The following KMT2A variants were observed in gnomAD, a reference collection of about 807,000 sequenced individuals.
The protein encoded by KMT2A is histone-lysine N-methyltransferase 2A.
KMT2A carries 16 observed loss-of-function variants against 345.3 expected under a neutral mutation model. The observed-to-expected ratio is 0.05, with a 90% confidence interval of 0.03 to 0.07. KMT2A has a LOEUF of 0.07. Among genes scored for constraint, KMT2A ranks in the 10% least tolerant of loss-of-function variants. The pLI is 1.00. For synonymous variants in KMT2A, 1,599 were observed against 1,778.6 expected (o/e 0.90, Z 2.54); for missense variants, 3,272 against 4,841.6 (o/e 0.68, Z 9.62).
chr11:118,478,009 C>T lies in KMT2A; in HGVS notation c.3377C>T (p.Ala1126Val). 2.5e-6 allele frequency: 4 copies of T among 1,614,110 alleles called. No homozygotes were observed. The highest frequency in any genetic ancestry group is 3.4e-6 in the Non-Finnish European group (4 of 1,180,004). The change falls in exon 5 of 36, where the codon GCT becomes GTT. Residue 1126 changes from alanine (A) to valine (V), a missense_variant. This residue lies in a region of KMT2A where 33 missense variants were observed against 46.5 expected (regional missense o/e 0.71). Transcript: ENST00000534358. ...IAGSEDAEPL[A>V]PPIKPIKPVT... ...GGCTCAGAAGATGCTGAACCTCTTG[C>T]TCCACCCATCAAACCAATTAAACCT...
At chr11:118,452,510 C>T (rs782727718) in intron 1 of KMT2A, among the ~76,000 whole-genome samples, 20 of 152,142 alleles carry the variant, frequency 1.3e-4, no homozygotes, top group Non-Finnish European at 2.1e-4. Flanking sequence ...CCAGCCTGGG[C>T]GACAGAATAA....
chr11:118,453,046 A>T (rs1471821988), intron 1 of KMT2A, among the ~76,000 whole-genome samples: 1 of 151,600 alleles, frequency 6.6e-6, no homozygotes, highest in Non-Finnish European at 1.5e-5. Context: ...TGCATAGGTA[A>T]TTTCTCTCTC....
chr11:118,484,390 G>T lies in KMT2A; in HGVS notation c.4218+76G>T. On this transcript the variant is annotated intron_variant, in intron 9 of 35. Transcript: ENST00000534358. The surrounding 1 kb of genome is among the most constrained non-coding windows in gnomAD (Gnocchi z 4.1). ...TAAAGAAAATGCTACTACCAAAGGTGTTGAAAGAGGAAATCAGCACCAACT... is the reference window on the plus strand; with the variant it reads ...TAAAGAAAATGCTACTACCAAAGGTTTTGAAAGAGGAAATCAGCACCAACT... The T allele has an allele frequency of 6.7e-7, 1 of 1,492,566 alleles. No individual in the cohort carries two copies. The highest frequency in any genetic ancestry group is 9.2e-7 in the Non-Finnish European group (1 of 1,088,402). 92.5% of individuals were successfully genotyped at this position (1,492,566 alleles called of 1,614,324 possible). A position where few individuals can be genotyped will look rare whatever the true frequency, so the allele number is the denominator to read the frequency against.
intron 31 of KMT2A, among the ~76,000 whole-genome samples, chr11:118,518,755 C>T (rs1177244427): frequency 7.6e-6 from 1 of 131,746 alleles, no homozygotes; most frequent in Non-Finnish European, 1.6e-5. Flanking sequence ...GCACTCCAGC[C>T]TGGGTGACGG....
Position 118,506,612 on chromosome 11 carries a change from G to A in KMT2A, c.10720G>A (p.Asp3574Asn), listed in dbSNP as rs782678655. ...RTSSSEAHIP[D>N]QETTSLTSGT... is the part of the protein sequence containing the mutation. Reference sequence around the variant, plus strand: ...CAGTTCTTCTGAAGCACACATTCCAGACCAAGAAACGACATCCCTGACCTC... The same window carrying A: ...CAGTTCTTCTGAAGCACACATTCCAAACCAAGAAACGACATCCCTGACCTC... Residue 3574 changes from aspartate to asparagine, a missense_variant, in exon 27 of 36, where the codon GAC becomes AAC. Coordinates refer to ENST00000534358, the MANE Select transcript of KMT2A (RefSeq NM_001197104.2). The A allele has an allele frequency of 1.2e-6, 2 of 1,610,916 alleles. No individual in the cohort carries two copies. The highest frequency in any genetic ancestry group is 1.7e-6 in the Non-Finnish European group (2 of 1,177,896).
chr11:118,482,811 AG>A, intron 8 of KMT2A, among the ~76,000 whole-genome samples: 1 of 151,646 alleles, frequency 6.6e-6, no homozygotes, highest in South Asian at 2.1e-4. Flanking sequence ...AGTTGCGTGT[AG>A]TCCCAGGTAC....
intron 1 of KMT2A, among the ~76,000 whole-genome samples, chr11:118,443,018 T>C (rs1555026264): frequency 6.6e-6 from 1 of 152,206 alleles, no homozygotes; most frequent in Non-Finnish European, 1.5e-5. Flanking sequence ...CATTGGTTGT[T>C]GAAGAAGGCC....
Position 118,498,290 on chromosome 11 carries a change from G to C in KMT2A, c.5803-80G>C. 1 of 1,321,622 alleles carries C rather than the reference G, an allele frequency of 7.6e-7. No individual in the cohort carries two copies. The highest frequency in any genetic ancestry group is 1.0e-6 in the Non-Finnish European group (1 of 957,896). The allele number at this position is 1,321,622 out of a possible 1,614,324, so 81.9% of individuals were successfully genotyped here. ...ATGAATTGTAGGAACTGTAGAATGG[G>C]ATGAGTCTATAGAGGAGACGGTAAA... On this transcript the variant is annotated intron_variant, in intron 21 of 35. Coordinates refer to ENST00000534358, the MANE Select transcript of KMT2A (RefSeq NM_001197104.2). The surrounding 1 kb of genome is among the most constrained non-coding windows in gnomAD (Gnocchi z 4.4).
chr11:118,493,957 C>A lies in KMT2A; in HGVS notation c.5179-331C>A, dbSNP rs1950364852. 6.6e-6 allele frequency among the ~76,000 whole-genome samples: 1 copy of A among 152,270 alleles called. No individual in the cohort carries two copies. The highest frequency in any genetic ancestry group is 2.1e-4 in the South Asian group (1 of 4,826). Reference sequence around the variant, plus strand: ...AACTCCTGACCTTAAGTGATCCACCCACATCAGCCTCCCAAAGTGCTGGGA... The same window carrying A: ...AACTCCTGACCTTAAGTGATCCACCAACATCAGCCTCCCAAAGTGCTGGGA... On this transcript the variant is annotated intron_variant, in intron 16 of 35. Coordinates refer to ENST00000534358, the MANE Select transcript of KMT2A (RefSeq NM_001197104.2). The surrounding 1 kb of genome is among the most constrained non-coding windows in gnomAD (Gnocchi z 5.8).
chr11:118,460,290 G>T (rs577952533), intron 1 of KMT2A, among the ~76,000 whole-genome samples: 74 of 152,136 alleles, frequency 4.9e-4, no homozygotes, highest in African/African-American at 1.3e-3. Flanking sequence ...AGGAAGAATA[G>T]ACTTTTTCTT....
chr11:118,444,954 G>A (rs1046326331), intron 1 of KMT2A, among the ~76,000 whole-genome samples: 1 of 152,178 alleles, frequency 6.6e-6, no homozygotes, highest in African/African-American at 2.4e-5. Context: ...GTCTCATTGT[G>A]AGGCTTAAGT....
At position 118,436,679 on chromosome 11, in the gene KMT2A, C is replaced by T; in HGVS notation, c.167C>T (p.Ser56Phe). The T allele has an allele frequency of 4.0e-6, 5 of 1,244,250 alleles. No homozygotes were observed. The highest frequency in any genetic ancestry group is 3.2e-5 in the East Asian group (1 of 30,942). 77.1% of individuals were successfully genotyped at this position (1,244,250 alleles called of 1,614,324 possible). A position where few individuals can be genotyped will look rare whatever the true frequency, so the allele number is the denominator to read the frequency against. The change falls in exon 1 of 36, where the codon TCC becomes TTC. Residue 56 changes from serine to phenylalanine, a missense_variant. This residue lies in a region of KMT2A where 412 missense variants were observed against 511.0 expected (regional missense o/e 0.81). Coordinates refer to ENST00000534358, the MANE Select transcript of KMT2A (RefSeq NM_001197104.2). This position sits in a 1 kb window ranked among gnomAD's most constrained non-coding sequence, Gnocchi z 6.9. ...GGTGGCGGCCCCGGGGCGCCCCCCT[C>T]CCCCCCGGCTGTGGCGGCCGCGGCG... is the stretch of plus-strand genomic sequence containing the variant. ...VGGGGPGAPP[S>F]PPAVAAAAAA...
At position 118,524,361 on chromosome 11, in the gene KMT2A, A is replaced by C. The variant is rs1555054763; in HGVS notation, c.*2189A>C. The C allele has an allele frequency of 5.2e-6, 1 of 192,960 alleles. No homozygotes were observed. The allele number at this position is 192,960 out of a possible 1,614,324, so 12.0% of individuals were successfully genotyped here. ...GCAAAGCAATACGACTCAGCCCAGC[A>C]CTCTCTGCCCCAGGACTCATGGCTC... On this transcript the variant is annotated 3_prime_UTR_variant, in exon 36 of 36. Coordinates refer to ENST00000534358, the MANE Select transcript of KMT2A (RefSeq NM_001197104.2).
Position 118,498,775 on chromosome 11 carries a change from G to A in KMT2A, c.5961+247G>A, listed in dbSNP as rs1229998787. ...GTTTACATCAGCATTCACTCTTGGT[G>A]TTGTACATTCTGTGGGTTTGGACAA... On this transcript the variant is annotated intron_variant, in intron 22 of 35. Transcript: ENST00000534358. This position sits in a 1 kb window ranked among gnomAD's most constrained non-coding sequence, Gnocchi z 4.4. 3.3e-5 allele frequency among the ~76,000 whole-genome samples: 5 copies of A among 152,160 alleles called. No homozygotes were observed. Among genetic ancestry groups the A allele is most frequent in the African/African-American group, 7.2e-5 (3 of 41,428 alleles).
In KMT2A at chr11:118,436,642, C is replaced by G; in HGVS notation, c.130C>G (p.Pro44Ala). 8.7e-7 allele frequency: 1 copy of G among 1,154,862 alleles called. No individual in the cohort carries two copies. Among genetic ancestry groups the G allele is most frequent in the Non-Finnish European group, 1.1e-6 (1 of 935,044 alleles). The allele number at this position is 1,154,862 out of a possible 1,614,324, so 71.5% of individuals were successfully genotyped here. A position where few individuals can be genotyped will look rare whatever the true frequency, so the allele number is the denominator to read the frequency against. ...CCCGGCCCTGCTGCTTCCCCCCGGG[C>G]CCCCGGTCGGCGGTGGCGGCCCCGG... ...RVPALLLPPG[P>A]PVGGGGPGAP... The change falls in exon 1 of 36, where the codon CCC (proline) becomes GCC (alanine). Residue 44 changes from proline (P) to alanine (A), a missense_variant. Physicochemically the swap from Pro to Ala is conservative, Grantham distance 27 (BLOSUM62 -1). Coordinates refer to ENST00000534358, the MANE Select transcript of KMT2A (RefSeq NM_001197104.2). The surrounding 1 kb of genome is among the most constrained non-coding windows in gnomAD (Gnocchi z 6.9).
In KMT2A at chr11:118,494,552, G is replaced by A. The variant is rs1950374305; in HGVS notation, c.5290-142G>A. 1 of 853,662 alleles carries A rather than the reference G, an allele frequency of 1.2e-6. No individual in the cohort carries two copies. The highest frequency in any genetic ancestry group is 1.9e-6 in the Non-Finnish European group (1 of 537,558). The allele number at this position is 853,662 out of a possible 1,614,324, so 52.9% of individuals were successfully genotyped here. A position where few individuals can be genotyped will look rare whatever the true frequency, so the allele number is the denominator to read the frequency against. On this transcript the variant is annotated intron_variant, in intron 17 of 35. Transcript: ENST00000534358. The surrounding 1 kb of genome is among the most constrained non-coding windows in gnomAD (Gnocchi z 5.8). ...CCCCTGATTCTTTGAGAGGAACTTGGTGAGGTTGCCAGAGTGGATGGATCT... is the reference window on the plus strand; with the variant it reads ...CCCCTGATTCTTTGAGAGGAACTTGATGAGGTTGCCAGAGTGGATGGATCT...
In KMT2A at chr11:118,521,910, A is replaced by G; in HGVS notation, c.11657A>G (p.Tyr3886Cys). Reference protein sequence around the residue: ...KYYDSKGIGCYMFRIDDSEVV... With the variant: ...KYYDSKGIGCCMFRIDDSEVV... Reference sequence around the variant, plus strand: ...CTGCATGTGCAGGGCATTGGTTGCTATATGTTCCGAATTGATGACTCAGAG... The same window carrying G: ...CTGCATGTGCAGGGCATTGGTTGCTGTATGTTCCGAATTGATGACTCAGAG... The change falls in exon 36 of 36, where the codon TAT becomes TGT. Residue 3886 changes from tyrosine to cysteine, a missense_variant. By Grantham distance (194) the Tyr-to-Cys change is radical. Transcript: ENST00000534358. This position sits in a 1 kb window ranked among gnomAD's most constrained non-coding sequence, Gnocchi z 5.3. 1.9e-6 allele frequency: 3 copies of G among 1,613,338 alleles called. No homozygotes were observed. The highest frequency in any genetic ancestry group is 2.5e-6 in the Non-Finnish European group (3 of 1,179,300).
Position 118,498,125 on chromosome 11 carries a change from A to G in KMT2A, c.5802+52A>G. On this transcript the variant is annotated intron_variant, in intron 21 of 35. Coordinates refer to ENST00000534358, the MANE Select transcript of KMT2A (RefSeq NM_001197104.2). This position sits in a 1 kb window ranked among gnomAD's most constrained non-coding sequence, Gnocchi z 4.4. ...AAAGAGATTCCCTCTCAGTTTCCAG[A>G]TATTCTTCCTGTGGGTGAATATGGC... The G allele has an allele frequency of 6.3e-7, 1 of 1,595,240 alleles. No homozygotes were observed. Among genetic ancestry groups the G allele is most frequent in the South Asian group, 1.1e-5 (1 of 89,644 alleles).
Position 118,472,164 on chromosome 11 carries a change from A to C in KMT2A, c.1005A>C (p.Glu335Asp). 6.2e-7 allele frequency: 1 copy of C among 1,614,138 alleles called. No homozygotes were observed. The highest frequency in any genetic ancestry group is 8.5e-7 in the Non-Finnish European group (1 of 1,180,050). The part of the protein sequence containing the change: ...EKPQKVRKDK[E>D]GTPPLTKEDK... ...CCCAGAAAGTCCGGAAAGACAAGGA[A>C]GGAACACCTCCACTTACAAAAGAAG... The change falls in exon 3 of 36, where the codon GAA becomes GAC. Residue 335 changes from glutamate (E) to aspartate (D), a missense_variant. Physicochemically the swap from Glu to Asp is conservative, Grantham distance 45. Transcript: ENST00000534358.
Sources: allele counts gnomAD v4.1 joint callset (sites outside exome capture counted in the v4.1 genomes callset), GRCh38; gene constraint gnomAD v4.1.1; regional missense constraint gnomAD v4.1.1; non-coding constraint Gnocchi (gnomAD v3.1); transcripts MANE v1.5; gene names NCBI Gene and HGNC (gene_info 2026-07-23, HGNC 2026-07-21).